Variants in DPYSL2 observed in about 807,000 individuals in gnomAD.
DPYSL2 encodes dihydropyrimidinase like 2.
In DPYSL2, 13 loss-of-function variants were observed where a neutral mutation model predicts 69.9. That is an observed-to-expected ratio of 0.19 (90% CI 0.12 to 0.30). The LOEUF (loss-of-function observed/expected upper bound fraction) is 0.30, where lower values mean the gene tolerates loss of function less well. Ranked by LOEUF, DPYSL2 falls within the 10% of genes least tolerant of loss-of-function variation. DPYSL2 has a pLI of 1.00. For missense variants in DPYSL2, 587 were observed against 918.9 expected (o/e 0.64, Z 4.67); for synonymous variants, 326 against 359.1 (o/e 0.91, Z 1.04).
intron 3 of DPYSL2, among the ~76,000 whole-genome samples, chr8:26,599,017 A>G (rs915830280): frequency 1.4e-4 from 22 of 152,366 alleles, no homozygotes; most frequent in East Asian, 1.3e-3. Context: ...CTCACTTTTC[A>G]GAGAAGAGCT....
chr8:26,514,732 C>G lies in DPYSL2; in HGVS notation c.354+53C>G, dbSNP rs1329264531. 3.0e-6 allele frequency: 4 copies of G among 1,344,942 alleles called. No individual in the cohort carries two copies. Among genetic ancestry groups the G allele is most frequent in the African/African-American group, 1.5e-5 (1 of 64,664 alleles). The allele number at this position is 1,344,942 out of a possible 1,614,324, so 83.3% of individuals were successfully genotyped here. On this transcript the variant is annotated intron_variant, in intron 1 of 13. Coordinates refer to ENST00000521913, the MANE Select transcript of DPYSL2 (RefSeq NM_001197293.3). This position sits in a 1 kb window ranked among gnomAD's most constrained non-coding sequence, Gnocchi z 8.4. ...GGAGGACGGGGCGCGGGGATCGCCCCTCCCTCGCCCCTGAGCCCGGCGCGC... is the reference window on the plus strand; with the variant it reads ...GGAGGACGGGGCGCGGGGATCGCCCGTCCCTCGCCCCTGAGCCCGGCGCGC...
chr8:26,626,735 G>T lies in DPYSL2; in HGVS notation c.855+57G>T. On this transcript the variant is annotated intron_variant, in intron 5 of 13. Coordinates refer to ENST00000521913, the MANE Select transcript of DPYSL2 (RefSeq NM_001197293.3). The surrounding 1 kb of genome is among the most constrained non-coding windows in gnomAD (Gnocchi z 4.3). ...CTGACATTTGGTACCTTCAGGCTGT[G>T]GCCGTTTGGGAAAGCAGTCTCCGAT... is the stretch of plus-strand genomic sequence containing the variant. 2 of 1,574,846 alleles carry T rather than the reference G, an allele frequency of 1.3e-6. No homozygotes were observed. The highest frequency in any genetic ancestry group is 8.7e-7 in the Non-Finnish European group (1 of 1,147,010).
intron 1 of DPYSL2, among the ~76,000 whole-genome samples, chr8:26,529,061 C>T (rs1800439682): frequency 6.6e-6 from 1 of 152,104 alleles, no homozygotes; most frequent in African/African-American, 2.4e-5. Flanking sequence ...ATTTTACTAT[C>T]TCTAGGAATT....
At position 26,514,890 on chromosome 8, in the gene DPYSL2, C is replaced by G. The variant is rs949822269; in HGVS notation, c.354+211C>G. On this transcript the variant is annotated intron_variant, in intron 1 of 13. Coordinates refer to ENST00000521913, the MANE Select transcript of DPYSL2 (RefSeq NM_001197293.3). This position sits in a 1 kb window ranked among gnomAD's most constrained non-coding sequence, Gnocchi z 8.4. ...GGCGGCCGTGCGCCCACAAAGGCTG[C>G]CCGCGTCTCCTTGAGCTTGAGAGGT... is the stretch of plus-strand genomic sequence containing the variant. Among the ~76,000 whole-genome samples the G allele has an allele frequency of 4.6e-5, 7 of 152,178 alleles. No homozygotes were observed. The highest frequency in any genetic ancestry group is 1.7e-4 in the African/African-American group (7 of 41,456).
rs1006079354 is a variant in DPYSL2, at chr8:26,627,358, A to G, written c.936+63A>G. On this transcript the variant is annotated intron_variant, in intron 6 of 13. Transcript: ENST00000521913. The surrounding 1 kb of genome is among the most constrained non-coding windows in gnomAD (Gnocchi z 6.9). ...GGAGGGTGAGAGGCAGGCTCAAGAA[A>G]GGGAAGCTGCATCTGTAGCTTAACA... The G allele has an allele frequency of 3.9e-6, 6 of 1,541,860 alleles. No individual in the cohort carries two copies. In the African/African-American group the frequency reaches 8.2e-5, roughly 21 times the overall value.
chr8:26,515,709 A>G (rs925244170), intron 1 of DPYSL2, among the ~76,000 whole-genome samples: 4 of 152,212 alleles, frequency 2.6e-5, no homozygotes, highest in Non-Finnish European at 4.4e-5. Flanking sequence ...CTTAACTGAT[A>G]ATTTACAATG....
rs565121348 is a variant in DPYSL2, at chr8:26,597,632, G to A, written c.628+13649G>A. On this transcript the variant is annotated intron_variant, in intron 3 of 13. Coordinates refer to ENST00000521913, the MANE Select transcript of DPYSL2 (RefSeq NM_001197293.3). This position sits in a 1 kb window ranked among gnomAD's most constrained non-coding sequence, Gnocchi z 5.2. ...TGGGACTACAGGCGCCCGCCACCACGCCCAACTAATATTTTGTATTTTTAG... is the reference window on the plus strand; with the variant it reads ...TGGGACTACAGGCGCCCGCCACCACACCCAACTAATATTTTGTATTTTTAG... 6.5e-3 allele frequency among the ~76,000 whole-genome samples: 993 copies of A among 152,024 alleles called. 5 individuals are homozygous for A. Among genetic ancestry groups the A allele is most frequent in the African/African-American group, 0.015 (630 of 41,456 alleles).
rs1415650800 is a variant in DPYSL2, at chr8:26,582,622, T to C, written c.443+565T>C. On this transcript the variant is annotated intron_variant, in intron 2 of 13. Transcript: ENST00000521913. This position sits in a 1 kb window ranked among gnomAD's most constrained non-coding sequence, Gnocchi z 4.1. ...GCCCTTGTGTTTATTGTGTTAATGT[T>C]ACAAAGGAGAAGCAACAGGGCAGTT... 6.6e-6 allele frequency among the ~76,000 whole-genome samples: 1 copy of C among 152,226 alleles called. No individual in the cohort carries two copies. The highest frequency in any genetic ancestry group is 1.5e-5 in the Non-Finnish European group (1 of 68,044).
intron 1 of DPYSL2, among the ~76,000 whole-genome samples, chr8:26,578,733 G>GC (rs1482517543): frequency 1.3e-5 from 2 of 152,142 alleles, no homozygotes; most frequent in African/African-American, 4.8e-5. Flanking sequence ...CGGGTCTTCC[G>GC]CCCCCACCCA....
chr8:26,606,794 T>C (rs1316355634), intron 3 of DPYSL2, among the ~76,000 whole-genome samples: 1 of 152,218 alleles, frequency 6.6e-6, no homozygotes, highest in Non-Finnish European at 1.5e-5. Flanking sequence ...ATTTCTTTTA[T>C]ATAAATAATA....
Position 26,591,241 on chromosome 8 carries a change from C to G in DPYSL2, c.628+7258C>G, listed in dbSNP as rs183780465. ...ACACAGACTATTGGGAACTTCCTGT[C>G]GATCCTGCTGGCCTGATTGACAGCT... On this transcript the variant is annotated intron_variant, in intron 3 of 13. Coordinates refer to ENST00000521913, the MANE Select transcript of DPYSL2 (RefSeq NM_001197293.3). The surrounding 1 kb of genome is among the most constrained non-coding windows in gnomAD (Gnocchi z 5.8). 2.0e-5 allele frequency among the ~76,000 whole-genome samples: 3 copies of G among 152,306 alleles called. No individual in the cohort carries two copies. The South Asian group carries it at 6.2e-4, about 32-fold the overall frequency.
chr8:26,575,689 C>T (rs1029977939), intron 1 of DPYSL2, among the ~76,000 whole-genome samples: 10 of 152,152 alleles, frequency 6.6e-5, no homozygotes, highest in Non-Finnish European at 1.2e-4. Context: ...TATTACAAAA[C>T]AAACGATTCT....
intron 7 of DPYSL2, among the ~76,000 whole-genome samples, chr8:26,631,917 A>G (rs1016585306): frequency 6.6e-6 from 1 of 152,222 alleles, no homozygotes; most frequent in African/African-American, 2.4e-5. Flanking sequence ...GGTGATAAAG[A>G]GAACAAGTAT....
chr8:26,577,526 G>GGCGCGCAGGCGGGCAGGGACCGGGGC (rs1212354413), intron 1 of DPYSL2, among the ~76,000 whole-genome samples: 7 of 148,842 alleles, frequency 4.7e-5, no homozygotes, highest in Non-Finnish European at 7.5e-5. Context: ...TCCGCGGATT[G>GGCGCGCAGGCGGGCAGGGACCGGGGC]GCGCGCAGGC....
intron 1 of DPYSL2, among the ~76,000 whole-genome samples, chr8:26,530,966 C>T (rs532988883): frequency 4.6e-5 from 7 of 150,818 alleles, no homozygotes; most frequent in Non-Finnish European, 7.4e-5. Context: ...GGCTGAGGTG[C>T]GAGGACGGTT....
In DPYSL2 at chr8:26,605,973, A is replaced by C. The variant is rs902412149; in HGVS notation, c.629-18170A>C. Among the ~76,000 whole-genome samples, 15 of 152,196 alleles carry C rather than the reference A, an allele frequency of 9.9e-5. No individual in the cohort carries two copies. The highest frequency in any genetic ancestry group is 9.2e-4 in the Admixed American group (14 of 15,282). On this transcript the variant is annotated intron_variant, in intron 3 of 13. Coordinates refer to ENST00000521913, the MANE Select transcript of DPYSL2 (RefSeq NM_001197293.3). This position sits in a 1 kb window ranked among gnomAD's most constrained non-coding sequence, Gnocchi z 4.1. ...CTTAAGTACAGGTGAAAGATTAAAC[A>C]GGTGATAAGAACCAAAAAATATTCA...
chr8:26,545,462 G>A (rs1800751837), intron 1 of DPYSL2, among the ~76,000 whole-genome samples: 1 of 152,140 alleles, frequency 6.6e-6, no homozygotes, highest in Admixed American at 6.5e-5. Context: ...TTAGCGAGGC[G>A]CAGTGGCTCA....
Position 26,620,149 on chromosome 8 carries a change from T to C in DPYSL2, c.629-3994T>C, listed in dbSNP as rs1447476676. 1.3e-5 allele frequency: 2 copies of C among 152,256 alleles called. No homozygotes were observed. The highest frequency in any genetic ancestry group is 3.1e-3 in the Middle Eastern group (1 of 318). The allele number at this position is 152,256 out of a possible 1,614,324, so 9.4% of individuals were successfully genotyped here. ...TTGGTGATGTTCTAAATCTAGATTG[T>C]GGTGATGGTTGTAAGGCTTTAGATG... On this transcript the variant is annotated intron_variant, in intron 3 of 13. Transcript: ENST00000521913. This position sits in a 1 kb window ranked among gnomAD's most constrained non-coding sequence, Gnocchi z 4.5.
At chr8:26,603,696 C>G (rs327230) in intron 3 of DPYSL2, among the ~76,000 whole-genome samples, 113,785 of 152,118 alleles carry the variant, frequency 0.75, 43,261 homozygotes, top group East Asian at 0.98. Flanking sequence ...CTGGTGGCCC[C>G]TATTCTATTA....
Sources: allele counts gnomAD v4.1 joint callset (sites outside exome capture counted in the v4.1 genomes callset), GRCh38; gene constraint gnomAD v4.1.1; non-coding constraint Gnocchi (gnomAD v3.1); transcripts MANE v1.5; gene names NCBI Gene and HGNC (gene_info 2026-07-23, HGNC 2026-07-21).